Variants in PRKN observed in about 807,000 individuals in gnomAD.
PRKN encodes E3 ubiquitin-protein ligase parkin.
PRKN carries 56 observed loss-of-function variants against 59.5 expected under a neutral mutation model. That is an observed-to-expected ratio of 0.94 (90% CI 0.76 to 1.18). The LOEUF is 1.18. Among genes scored for constraint, PRKN ranks in the 50% most tolerant of loss-of-function variants. The pLI is 0.00. For missense variants in PRKN, 657 were observed against 596.4 expected (o/e 1.10, Z -1.06); for synonymous variants, 250 against 222.1 (o/e 1.13, Z -1.12).
chr6:162,353,978 T>C lies in PRKN; in HGVS notation c.171+89332A>G, dbSNP rs572520880. On this transcript the variant is annotated intron_variant, in intron 2 of 11. Coordinates refer to ENST00000366898, the MANE Select transcript of PRKN (RefSeq NM_004562.3). ...TCCATAGCTTTTATGATGATTGCAGTTATATTATTATTTTATCGTTATAAG... is the reference window on the plus strand; with the variant it reads ...TCCATAGCTTTTATGATGATTGCAGCTATATTATTATTTTATCGTTATAAG... Among the ~76,000 whole-genome samples the C allele has an allele frequency of 2.6e-5, 4 of 152,248 alleles. No individual in the cohort carries two copies. In the East Asian group the frequency reaches 7.7e-4, roughly 29 times the overall value.
chr6:161,666,884 C>T (rs974908874), intron 7 of PRKN, among the ~76,000 whole-genome samples: 17 of 152,106 alleles, frequency 1.1e-4, no homozygotes, highest in Admixed American at 3.3e-4. Context: ...CCTTACACTC[C>T]CTACCTCACC....
intron 2 of PRKN, among the ~76,000 whole-genome samples, chr6:162,297,875 C>T (rs1781751879): frequency 6.6e-6 from 1 of 152,092 alleles, no homozygotes. Flanking sequence ...ATCATACTCT[C>T]AACACTAAAT....
intron 7 of PRKN, among the ~76,000 whole-genome samples, chr6:161,682,445 T>C (rs1173189119): frequency 6.6e-6 from 1 of 152,164 alleles, no homozygotes; most frequent in Non-Finnish European, 1.5e-5. Context: ...CACCAAAACA[T>C]GTACAGAAAT....
intron 5 of PRKN, among the ~76,000 whole-genome samples, chr6:162,028,780 C>T (rs1052502713): frequency 6.6e-6 from 1 of 152,132 alleles, no homozygotes; most frequent in Admixed American, 6.6e-5. Flanking sequence ...ACATGGGGGA[C>T]CCGTAGCAAA....
intron 7 of PRKN, among the ~76,000 whole-genome samples, chr6:161,746,112 A>C (rs1788402939): frequency 6.6e-6 from 1 of 152,216 alleles, no homozygotes; most frequent in Non-Finnish European, 1.5e-5. Context: ...GAATTAGGCA[A>C]AATTATCCCC....
At chr6:161,914,549 T>A (rs182280832) in intron 6 of PRKN, among the ~76,000 whole-genome samples, 2 of 152,146 alleles carry the variant, frequency 1.3e-5, no homozygotes, top group East Asian at 1.9e-4. Context: ...ATGTAACTTT[T>A]ATTAAAAAGA....
intron 4 of PRKN, among the ~76,000 whole-genome samples, chr6:162,107,070 G>A (rs966426424): frequency 6.6e-6 from 1 of 152,090 alleles, no homozygotes; most frequent in African/African-American, 2.4e-5. Context: ...GTGAGCGTAG[G>A]GTTAGAAGAA....
In PRKN at chr6:161,405,411, C is replaced by G. The variant is rs1378432167; in HGVS notation, c.1084-18534G>C. On this transcript the variant is annotated intron_variant, in intron 9 of 11. Coordinates refer to ENST00000366898, the MANE Select transcript of PRKN (RefSeq NM_004562.3). This position sits in a 1 kb window ranked among gnomAD's most constrained non-coding sequence, Gnocchi z 5.1. ...TGGCCAACATGGTGAAACCCCGTCT[C>G]TACCGAAAATGCACAAATTAGCCAG... Among the ~76,000 whole-genome samples the G allele has an allele frequency of 6.6e-6, 1 of 151,844 alleles. No individual in the cohort carries two copies. Among genetic ancestry groups the G allele is most frequent in the South Asian group, 2.1e-4 (1 of 4,802 alleles).
At chr6:161,568,176 T>G (rs975428957) in intron 8 of PRKN, among the ~76,000 whole-genome samples, 7 of 152,228 alleles carry the variant, frequency 4.6e-5, no homozygotes, top group African/African-American at 1.4e-4. Flanking sequence ...AGTTTTACTT[T>G]GCCACATACA....
chr6:162,314,327 C>G (rs975205478), intron 2 of PRKN, among the ~76,000 whole-genome samples: 6 of 152,148 alleles, frequency 3.9e-5, no homozygotes, highest in African/African-American at 1.4e-4. Flanking sequence ...TAGAGGCCAG[C>G]TGGTGCAGTA....
intron 6 of PRKN, among the ~76,000 whole-genome samples, chr6:161,904,882 G>T (rs994354451): frequency 3.3e-5 from 5 of 152,156 alleles, no homozygotes; most frequent in South Asian, 2.1e-4. Context: ...GATGTGGGGG[G>T]AGTCAGGATA....
intron 7 of PRKN, among the ~76,000 whole-genome samples, chr6:161,658,040 GAAAAGAA>G (rs1784418073): frequency 3.7e-5 from 4 of 107,838 alleles, no homozygotes; most frequent in African/African-American, 1.0e-4. Flanking sequence ...AAAAAGAAAA[GAAAAGAA>G]AAAAACGGTG....
At chr6:162,689,465 A>C (rs1777690071) in intron 1 of PRKN, among the ~76,000 whole-genome samples, 1 of 152,204 alleles carries the variant, frequency 6.6e-6, no homozygotes, top group Non-Finnish European at 1.5e-5. Flanking sequence ...TTAACACAGA[A>C]ATTCCTTGAA....
At chr6:161,655,465 G>T (rs117170258) in intron 7 of PRKN, among the ~76,000 whole-genome samples, 1 of 151,724 alleles carries the variant, frequency 6.6e-6, no homozygotes, top group Non-Finnish European at 1.5e-5. Flanking sequence ...TCACCACCAA[G>T]GTGCACTGTC....
chr6:161,914,119 A>G (rs1379330715), intron 6 of PRKN, among the ~76,000 whole-genome samples: 1 of 152,238 alleles, frequency 6.6e-6, no homozygotes, highest in African/African-American at 2.4e-5. Context: ...CATTTGTAAT[A>G]TCTTAAATGT....
rs557829201 is a variant in PRKN at position 162,123,343 on chromosome 6, G to C, written c.535-69169C>G. ...GGGAAAAAAAGGCAACCTCCAAACA[G>C]ATTATGGCTGAAGGAAAAGGTAATA... On this transcript the variant is annotated intron_variant, in intron 4 of 11. Transcript: ENST00000366898. Among the ~76,000 whole-genome samples the C allele has an allele frequency of 5.9e-5, 9 of 152,256 alleles. No individual in the cohort carries two copies. The South Asian group carries it at 1.9e-3, about 32-fold the overall frequency.
In PRKN at chr6:162,169,169, T is replaced by A. The variant is rs1783138297; in HGVS notation, c.534+31962A>T. 2.0e-5 allele frequency among the ~76,000 whole-genome samples: 3 copies of A among 152,182 alleles called. No individual in the cohort carries two copies. In the South Asian group the frequency reaches 6.2e-4, roughly 31 times the overall value. The stretch of plus-strand genomic sequence containing the variant: ...TGAGGCAGAAAAGCTATTTGTCACA[T>A]TCCCTTGTTTGGATTTTGGTTTTGG... On this transcript the variant is annotated intron_variant, in intron 4 of 11. Transcript: ENST00000366898.
chr6:161,959,700 C>T (rs1780309958), intron 6 of PRKN, among the ~76,000 whole-genome samples: 1 of 152,074 alleles, frequency 6.6e-6, no homozygotes. Context: ...ATAAATGCCT[C>T]GTTTCTAAAA....
At chr6:161,902,889 C>T (rs189558728) in intron 6 of PRKN, among the ~76,000 whole-genome samples, 245 of 152,276 alleles carry the variant, frequency 1.6e-3, no homozygotes, top group African/African-American at 5.6e-3. Flanking sequence ...GACAAAAGCA[C>T]TAAGGCACAG....
Sources: gnomAD v4.1 joint callset for allele counts (sites outside exome capture counted in the v4.1 genomes callset) on GRCh38, gnomAD v4.1.1 for gene constraint, Gnocchi (gnomAD v3.1) non-coding constraint, MANE v1.5 for transcripts, NCBI Gene and HGNC (gene_info 2026-07-23, HGNC 2026-07-21) for gene names.